Variants in NFIL3 observed in about 807,000 individuals in gnomAD.
The protein encoded by NFIL3 is nuclear factor interleukin-3-regulated protein.
NFIL3 carries 5 observed loss-of-function variants against 10.0 expected under a neutral mutation model. That is an observed-to-expected ratio of 0.50 (90% confidence interval 0.26 to 1.06). The LOEUF (loss-of-function observed/expected upper bound fraction) is 1.06, where lower values mean the gene tolerates loss of function less well. Ranked by LOEUF, NFIL3 falls within the 50% of genes least tolerant of loss-of-function variation. NFIL3 has a pLI of 0.13. For synonymous variants in NFIL3, 202 were observed against 206.5 expected (o/e 0.98, Z 0.19); for missense variants, 436 against 547.6 (o/e 0.80, Z 2.03).
chr9:91,470,371 G>A, the NFIL3 span, among the ~76,000 whole-genome samples: 1 of 142,890 alleles, frequency 7.0e-6, no homozygotes, highest in Admixed American at 7.1e-5. Flanking sequence ...TGGGATAGGT[G>A]GTGATATCCC....
chr9:91,468,554 T>A, the NFIL3 span, among the ~76,000 whole-genome samples: 2 of 152,248 alleles, frequency 1.3e-5, no homozygotes, highest in South Asian at 4.1e-4. Context: ...AGATCCCATT[T>A]ATCTATTTTG....
the NFIL3 span, among the ~76,000 whole-genome samples, chr9:91,443,304 T>C: frequency 6.6e-6 from 1 of 152,246 alleles, no homozygotes; most frequent in Non-Finnish European, 1.5e-5. Context: ...TACCTGGAAC[T>C]GATAGCCTGG....
upstream of NFIL3, among the ~76,000 whole-genome samples, chr9:91,425,951 T>C (rs1172767150): frequency 2.0e-5 from 3 of 152,172 alleles, no homozygotes; most frequent in African/African-American, 7.2e-5. Flanking sequence ...TAATCTACCC[T>C]CCCCTTCACG....
At chr9:91,458,480 T>C in the NFIL3 span, among the ~76,000 whole-genome samples, 2 of 152,148 alleles carry the variant, frequency 1.3e-5, no homozygotes, top group African/African-American at 4.8e-5. Flanking sequence ...GCATTTGTAG[T>C]AATGTCACCT....
chr9:91,471,168 G>A, the NFIL3 span, among the ~76,000 whole-genome samples: 104 of 152,120 alleles, frequency 6.8e-4, 1 homozygote, highest in African/African-American at 2.4e-3. Context: ...TCTCTTTGTC[G>A]GTCTCTAAGG....
chr9:91,466,799 G>A, the NFIL3 span, among the ~76,000 whole-genome samples: 3 of 152,202 alleles, frequency 2.0e-5, no homozygotes, highest in Non-Finnish European at 4.4e-5. Flanking sequence ...GACAAAGAGT[G>A]GACTTGTGAT....
the NFIL3 span, among the ~76,000 whole-genome samples, chr9:91,474,220 T>A: frequency 1.3e-5 from 2 of 152,124 alleles, no homozygotes; most frequent in African/African-American, 4.8e-5. Flanking sequence ...GTTTTTCTTC[T>A]TTAATGTGTT....
chr9:91,472,924 CCTTT>C, the NFIL3 span, among the ~76,000 whole-genome samples: 7 of 152,270 alleles, frequency 4.6e-5, no homozygotes, highest in South Asian at 8.3e-4. Context: ...TGATGCTATT[CCTTT>C]CTATTTGCTA....
chr9:91,429,952 A>G, the NFIL3 span, among the ~76,000 whole-genome samples: 6 of 151,952 alleles, frequency 3.9e-5, no homozygotes, highest in Non-Finnish European at 8.8e-5. Flanking sequence ...TGTGTGCCTC[A>G]CTTTCACCTT....
the NFIL3 span, among the ~76,000 whole-genome samples, chr9:91,473,026 A>G: frequency 6.6e-6 from 1 of 152,122 alleles, no homozygotes; most frequent in Non-Finnish European, 1.5e-5. Context: ...CCTGTGTATC[A>G]CCAGCAGAGG....
the NFIL3 span, among the ~76,000 whole-genome samples, chr9:91,432,275 G>A: frequency 5.9e-4 from 90 of 152,300 alleles, no homozygotes; most frequent in African/African-American, 2.1e-3. Context: ...CACAGTCTGT[G>A]CTGTCTTGGG....
rs777230584 is a variant in NFIL3, at chr9:91,410,219, T to C, written c.516A>G (p.Ser172=). The C allele has an allele frequency of 1.2e-6, 2 of 1,614,154 alleles. No homozygotes were observed. Among genetic ancestry groups the C allele is most frequent in the South Asian group, 1.1e-5 (1 of 91,064 alleles). Residue 172 remains serine (S), a synonymous_variant, in exon 2 of 2, where the codon TCA becomes TCG. Transcript: ENST00000297689. This position sits in a 1 kb window ranked among gnomAD's most constrained non-coding sequence, Gnocchi z 5.7. ...FVDEHEPSMV[S]SSCISVIKHS... ...GTTTAATGACAGAAATACAACTACTTGACACCATCGAGGGTTCGTGCTCGT... is the reference window on the plus strand; with the variant it reads ...GTTTAATGACAGAAATACAACTACTCGACACCATCGAGGGTTCGTGCTCGT...
intron 1 of NFIL3, among the ~76,000 whole-genome samples, chr9:91,412,089 A>G (rs1833561477): frequency 7.7e-6 from 1 of 130,042 alleles, no homozygotes; most frequent in Non-Finnish European, 1.6e-5. Flanking sequence ...TGACAGAGCA[A>G]GACTCTGTCA....
chr9:91,418,966 C>CT (rs1474456930), intron 1 of NFIL3, among the ~76,000 whole-genome samples: 1 of 151,700 alleles, frequency 6.6e-6, no homozygotes, highest in Admixed American at 6.6e-5. Flanking sequence ...ATTGTAATGT[C>CT]TGTGATCAAA....
At chr9:91,418,676 A>G (rs1337093776) in intron 1 of NFIL3, among the ~76,000 whole-genome samples, 2 of 152,208 alleles carry the variant, frequency 1.3e-5, no homozygotes, top group Non-Finnish European at 2.9e-5. Context: ...CTAATTAATA[A>G]AAGACATCAT....
the NFIL3 span, among the ~76,000 whole-genome samples, chr9:91,480,144 ATT>A: frequency 5.9e-3 from 826 of 140,540 alleles, 14 homozygotes; most frequent in African/African-American, 0.018. Context: ...ATAATCTAAT[ATT>A]TTTTTTTTTT....
At position 91,416,995 on chromosome 9, in the gene NFIL3, T is replaced by C. The variant is rs16907488; in HGVS notation, c.-172-6089A>G. 2.6e-5 allele frequency among the ~76,000 whole-genome samples: 4 copies of C among 152,316 alleles called. No individual in the cohort carries two copies. The East Asian group carries it at 7.7e-4, about 29-fold the overall frequency. On this transcript the variant is annotated intron_variant, in intron 1 of 1. Coordinates refer to ENST00000297689, the MANE Select transcript of NFIL3 (RefSeq NM_005384.3). The stretch of plus-strand genomic sequence containing the variant: ...CTCTCCCAGAACTAATGTTTAACAA[T>C]CCAAGCTCCACAAAAGAAAAGAATA...
the NFIL3 span, among the ~76,000 whole-genome samples, chr9:91,456,085 C>T: frequency 9.3e-4 from 142 of 152,300 alleles, no homozygotes; most frequent in Non-Finnish European, 1.2e-3. Context: ...GAGATCCATT[C>T]ATGGTGTTGT....
chr9:91,448,552 G>T, the NFIL3 span, among the ~76,000 whole-genome samples: 1 of 152,098 alleles, frequency 6.6e-6, no homozygotes, highest in Admixed American at 6.6e-5. Context: ...CCTCCCACTA[G>T]GCCCCACCTC....
Sources: allele counts gnomAD v4.1 joint callset (sites outside exome capture counted in the v4.1 genomes callset), GRCh38; gene constraint gnomAD v4.1.1; non-coding constraint Gnocchi (gnomAD v3.1); transcripts MANE v1.5; gene names NCBI Gene and HGNC (gene_info 2026-07-23, HGNC 2026-07-21).